The following DSE variants were observed in gnomAD, a reference collection of about 807,000 sequenced individuals.
DSE encodes the protein dermatan-sulfate epimerase.
DSE carries 36 observed loss-of-function variants against 84.4 expected under a neutral mutation model. The observed-to-expected ratio is 0.43, with a 90% CI of 0.33 to 0.56. The LOEUF is 0.56. Ranked by LOEUF, DSE falls within the 20% of genes least tolerant of loss-of-function variation. The pLI, the probability that DSE is intolerant of heterozygous loss-of-function variation, is 0.06. For synonymous variants in DSE, 410 were observed against 430.1 expected, an observed-to-expected ratio of 0.95 and a Z score of 0.58; for missense variants, 862 against 1,169.6, an observed-to-expected ratio of 0.74 and a Z score of 3.84.
intron 2 of DSE, among the ~76,000 whole-genome samples, chr6:116,424,544 G>A (rs1318701555): frequency 6.6e-6 from 1 of 152,078 alleles, no homozygotes; most frequent in Non-Finnish European, 1.5e-5. Context: ...TTACAGGTTT[G>A]TTCCTTCACT....
chr6:116,374,765 G>A (rs1779819223), intron 1 of DSE, among the ~76,000 whole-genome samples: 3 of 152,014 alleles, frequency 2.0e-5, no homozygotes, highest in Admixed American at 2.0e-4. Flanking sequence ...GAAACTATCA[G>A]TCTCATTCCC....
chr6:116,275,485 C>G (rs181424910), intron 2 of DSE, among the ~76,000 whole-genome samples: 22 of 152,304 alleles, frequency 1.4e-4, no homozygotes, highest in Non-Finnish European at 2.9e-4. Context: ...CAATATTTAT[C>G]TGCTGACAAC....
intron 2 of DSE, among the ~76,000 whole-genome samples, chr6:116,406,371 T>G (rs1781930766): frequency 6.6e-6 from 1 of 152,254 alleles, no homozygotes; most frequent in Admixed American, 6.5e-5. Context: ...ATCTGGGTCT[T>G]AAATTTTTCT....
chr6:116,301,958 C>T (rs1775067892), intron 2 of DSE, among the ~76,000 whole-genome samples: 2 of 152,216 alleles, frequency 1.3e-5, no homozygotes, highest in African/African-American at 4.8e-5. Context: ...CTGCAAAGGA[C>T]ATGAAGCCAT....
intron 2 of DSE, among the ~76,000 whole-genome samples, chr6:116,304,171 G>A (rs541619755): frequency 2.0e-4 from 30 of 151,936 alleles, no homozygotes; most frequent in African/African-American, 7.0e-4. Flanking sequence ...GGTCAGAGGA[G>A]GGGAAACGAA....
At chr6:116,345,252 T>C (rs1777879347) in intron 2 of DSE, among the ~76,000 whole-genome samples, 1 of 152,172 alleles carries the variant, frequency 6.6e-6, no homozygotes, top group African/African-American at 2.4e-5. Flanking sequence ...TGAACTCAGC[T>C]CTGCACCAAG....
rs1444116167 is a variant in DSE at position 116,399,496 on chromosome 6, C to T, written c.246C>T (p.Pro82=). Residue 82 remains proline, a synonymous_variant, in exon 2 of 6, where the codon CCC becomes CCT. Transcript: ENST00000644252. The part of the protein sequence containing the change: ...TEAVHTMLSS[P]LEYLPPWDPK... ...CTGTGCACACGATGCTGTCCAGCCC[C>T]TTGGAATACCTCCCTCCCTGGGATC... 2.5e-6 allele frequency: 4 copies of T among 1,614,086 alleles called. No homozygotes were observed. Among genetic ancestry groups the T allele is most frequent in the Non-Finnish European group, 8.5e-7 (1 of 1,180,032 alleles).
At chr6:116,323,476 T>A (rs894406627) in intron 2 of DSE, among the ~76,000 whole-genome samples, 2 of 152,218 alleles carry the variant, frequency 1.3e-5, no homozygotes, top group Non-Finnish European at 2.9e-5. Context: ...AATTACTTCT[T>A]GGACATTCGT....
intron 2 of DSE, among the ~76,000 whole-genome samples, chr6:116,419,792 C>T (rs575631307): frequency 7.2e-5 from 11 of 152,230 alleles, no homozygotes; most frequent in South Asian, 2.1e-4. Context: ...AGATTTTAAA[C>T]GCAAATCTTC....
chr6:116,389,158 C>G (rs1408561584), intron 1 of DSE, among the ~76,000 whole-genome samples: 3 of 152,166 alleles, frequency 2.0e-5, no homozygotes, highest in Admixed American at 6.5e-5. Flanking sequence ...TGAGCACTTT[C>G]TAAATCCTAG....
intron 2 of DSE, among the ~76,000 whole-genome samples, chr6:116,415,240 T>C (rs1013016734): frequency 1.3e-5 from 2 of 152,236 alleles, no homozygotes; most frequent in African/African-American, 4.8e-5. Context: ...GTCTGGAAAT[T>C]GTCTCTCTGA....
At chr6:116,387,201 G>A (rs939411560) in intron 1 of DSE, among the ~76,000 whole-genome samples, 3 of 152,080 alleles carry the variant, frequency 2.0e-5, no homozygotes, top group African/African-American at 7.2e-5. Context: ...TCAGGAAAAA[G>A]GTCAAAAGGA....
intron 1 of DSE, among the ~76,000 whole-genome samples, chr6:116,254,550 T>G (rs1772064068): frequency 6.6e-6 from 1 of 152,220 alleles, no homozygotes; most frequent in African/African-American, 2.4e-5. Context: ...TGTGTTGTTA[T>G]TTTTAAAATT....
chr6:116,279,806 T>C (rs1027445055), intron 2 of DSE: 1 of 1,613,040 alleles, frequency 6.2e-7, no homozygotes, highest in Admixed American at 1.7e-5. Flanking sequence ...GGAGTGGTCC[T>C]CTTGACCCCA....
At position 116,441,673 on chromosome 6, in the gene DSE, T is replaced by G. The variant is rs1455810790; in HGVS notation, c.*4328T>G. 1 of 152,206 alleles carries G rather than the reference T, an allele frequency of 6.6e-6. No individual in the cohort carries two copies. 9.4% of individuals were successfully genotyped at this position (152,206 alleles called of 1,614,324 possible). On this transcript the variant is annotated 3_prime_UTR_variant, in exon 6 of 6. Coordinates refer to ENST00000644252, the MANE Select transcript of DSE (RefSeq NM_013352.4). ...GTTAGGCTTTATTGATGTCTCCACTTCCATTCTCTGTGTCATTTTGAAAAT... is the reference window on the plus strand; with the variant it reads ...GTTAGGCTTTATTGATGTCTCCACTGCCATTCTCTGTGTCATTTTGAAAAT...
At chr6:116,288,609 G>A (rs1388758438) in intron 2 of DSE, 3 of 151,924 alleles carry the variant, frequency 2.0e-5, no homozygotes, top group Non-Finnish European at 4.4e-5. Flanking sequence ...AATACTATAG[G>A]CACTAGCCAT....
chr6:116,320,809 C>T (rs141374388), intron 2 of DSE, among the ~76,000 whole-genome samples: 246 of 152,278 alleles, frequency 1.6e-3, no homozygotes, highest in African/African-American at 5.6e-3. Context: ...TCTACCCTAA[C>T]GACCTAATTT....
At chr6:116,312,451 G>A (rs1775746927) in intron 2 of DSE, among the ~76,000 whole-genome samples, 2 of 152,172 alleles carry the variant, frequency 1.3e-5, no homozygotes, top group Non-Finnish European at 2.9e-5. Context: ...GAACAGAAGG[G>A]ATTTAATGGT....
rs1204654281 is a variant in DSE, at chr6:116,441,351, C to T, written c.*4006C>T. ...TTATTTGGCATAAATTATGAACATA[C>T]ATGATTGAAAAAGTATAGTACTAGA... is the stretch of plus-strand genomic sequence containing the variant. On this transcript the variant is annotated 3_prime_UTR_variant, in exon 6 of 6. Coordinates refer to ENST00000644252, the MANE Select transcript of DSE (RefSeq NM_013352.4). 1 of 152,034 alleles carries T rather than the reference C, an allele frequency of 6.6e-6. No homozygotes were observed. The highest frequency in any genetic ancestry group is 1.5e-5 in the Non-Finnish European group (1 of 67,998). The allele number at this position is 152,034 out of a possible 1,614,324, so 9.4% of individuals were successfully genotyped here.
Sources: allele counts gnomAD v4.1 joint callset (sites outside exome capture counted in the v4.1 genomes callset), GRCh38; gene constraint gnomAD v4.1.1; transcripts MANE v1.5; gene names NCBI Gene and HGNC (gene_info 2026-07-23, HGNC 2026-07-21).